PRAME: variants seen among roughly 807,000 people sequenced by gnomAD.
The protein encoded by PRAME is melanoma antigen preferentially expressed in tumors.
A neutral mutation model predicts 32.1 loss-of-function variants in PRAME; 21 were observed. The observed-to-expected ratio is 0.65, with a 90% CI of 0.46 to 0.94. The LOEUF (loss-of-function observed/expected upper bound fraction) is 0.94, where lower values mean the gene tolerates loss of function less well. Ranked by LOEUF, PRAME falls within the 40% of genes least tolerant of loss-of-function variation. The pLI is 0.00. For synonymous variants in PRAME, 274 were observed against 251.5 expected, an observed-to-expected ratio of 1.09 and a Z score of -0.85; for missense variants, 651 against 622.3, an observed-to-expected ratio of 1.05 and a Z score of -0.49.
chr22:22,556,717 A>G, intron 3 of PRAME, 95 bp downstream of exon 3: 1 of 1,447,308 alleles, frequency 6.9e-7, no homozygotes, highest in Non-Finnish European at 9.7e-7. Context: ...ACTGTGAGGG[A>G]CCTCAGGATG....
At chr22:22,551,616 T>C (rs1343537424) in intron 3 of PRAME, among the ~76,000 whole-genome samples, 1 of 139,492 alleles carries the variant, frequency 7.2e-6, no homozygotes, top group Non-Finnish European at 1.5e-5. Flanking sequence ...CAGTATTACA[T>C]AGCAATTGGA....
rs764968125 is a variant in PRAME, at chr22:22,550,792, G to A, written c.319C>T (p.Leu107Phe). 6 of 1,595,956 alleles carry A rather than the reference G, an allele frequency of 3.8e-6. No homozygotes were observed. Among genetic ancestry groups the A allele is most frequent in the Admixed American group, 3.4e-5 (2 of 59,142 alleles). Residue 107 changes from leucine to phenylalanine, a missense_variant, in exon 4 of 6, where the codon CTC becomes TTC. Coordinates refer to ENST00000405655, the MANE Select transcript of PRAME (RefSeq NM_206956.3). ...CTGGGGCGAACCTCCTGGGCAAGGAGCACATCAAGTCCATCAAGCACAGCT... is the reference window on the plus strand; with the variant it reads ...CTGGGGCGAACCTCCTGGGCAAGGAACACATCAAGTCCATCAAGCACAGCT... ...FKAVLDGLDV[L>F]LAQEVRPRRW...
chr22:22,548,308 AGGT>A lies in PRAME; in HGVS notation c.1286_1288del (p.His429del). ...GTGGGTCAGATTGCTCAGCCCGATG[AGGT>A]GCTGCAGGAGACTCTGCAGGGCAGA... On this transcript the variant is annotated inframe_deletion, in exon 6 of 6. Coordinates refer to ENST00000405655, the MANE Select transcript of PRAME (RefSeq NM_206956.3). 1 of 1,613,712 alleles carries A rather than the reference AGGT, an allele frequency of 6.2e-7. No individual in the cohort carries two copies. The highest frequency in any genetic ancestry group is 8.5e-7 in the Non-Finnish European group (1 of 1,179,908).
At chr22:22,552,408 A>C (rs866667341) in intron 3 of PRAME, among the ~76,000 whole-genome samples, 1,549 of 91,554 alleles carry the variant, frequency 0.017, 32 homozygotes, top group African/African-American at 0.12. Flanking sequence ...TATTTTCCAA[A>C]AAAAAAAAAA....
intron 3 of PRAME, chr22:22,554,122 C>T (rs1156341786): frequency 4.1e-6 from 4 of 984,926 alleles, no homozygotes; most frequent in Non-Finnish European, 4.8e-6. Flanking sequence ...TTATATTTGG[C>T]ATTTAAGGAT....
chr22:22,551,179 G>A (rs1327642145), intron 3 of PRAME, 90 bp from the exon 4 acceptor site: 1 of 1,222,376 alleles, frequency 8.2e-7, no homozygotes, highest in African/African-American at 1.5e-5. Context: ...GACCAACTTA[G>A]GGCCAAAGTC....
Position 22,551,024 on chromosome 22 carries a change from C to A in PRAME, c.87G>T (p.Leu29=). 1 of 1,611,648 alleles carries A rather than the reference C, an allele frequency of 6.2e-7. No individual in the cohort carries two copies. ...VWTSPRRLVE[L]AGQSLLKDEA... ...CATCCTTCAGCAGGCTCTGCCCTGC[C>A]AGCTCCACAAGTCTCCGTGGGCTTG... Residue 29 remains leucine (L), a synonymous_variant, in exon 4 of 6, where the codon CTG becomes CTT. Coordinates refer to ENST00000405655, the MANE Select transcript of PRAME (RefSeq NM_206956.3).
chr22:22,550,912 G>C lies in PRAME; in HGVS notation c.199C>G (p.Gln67Glu). The C allele has an allele frequency of 6.2e-7, 1 of 1,613,880 alleles. No homozygotes were observed. Among genetic ancestry groups the C allele is most frequent in the Non-Finnish European group, 8.5e-7 (1 of 1,179,952 alleles). ...FMAAFDGRHS[Q>E]TLKAMVQAWP... ...GCCTGCACCATTGCCTTCAGGGTCTGGCTGTGTCTCCCGTCAAAGGCTGCC... is the reference window on the plus strand; with the variant it reads ...GCCTGCACCATTGCCTTCAGGGTCTCGCTGTGTCTCCCGTCAAAGGCTGCC... The change falls in exon 4 of 6, where the codon CAG becomes GAG. Residue 67 changes from glutamine (Q) to glutamate (E), a missense_variant. Physicochemically the swap from Gln to Glu is conservative, Grantham distance 29. Transcript: ENST00000405655.
rs755812866 is a variant in PRAME, at chr22:22,548,431, C to G, written c.1166G>C (p.Gly389Ala). 2 of 1,613,592 alleles carry G rather than the reference C, an allele frequency of 1.2e-6. No homozygotes were observed. Among genetic ancestry groups the G allele is most frequent in the Non-Finnish European group, 1.7e-6 (2 of 1,179,932 alleles). The change falls in exon 6 of 6, where the codon GGG becomes GCG. Residue 389 changes from glycine (G) to alanine (A), a missense_variant. Gly to Ala is a moderately conservative substitution (Grantham distance 60). Coordinates refer to ENST00000405655, the MANE Select transcript of PRAME (RefSeq NM_206956.3). The part of the protein sequence containing the change: ...TLQDLVFDEC[G>A]ITDDQLLALL... Reference sequence around the variant, plus strand: ...GGCAAGGAGCTGATCATCCGTGATCCCACACTCATCAAAGACCAGGTCCTG... The same window carrying G: ...GGCAAGGAGCTGATCATCCGTGATCGCACACTCATCAAAGACCAGGTCCTG...
rs762009288 is a variant in PRAME at position 22,548,182 on chromosome 22, C to T, written c.1415G>A (p.Cys472Tyr). ...YLHARLRELL[C>Y]ELGRPSMVWL... is the part of the protein sequence containing the mutation. ...GACCATGCTGGGCCGCCCCAACTCA[C>T]ACAGCAACTCCCTGAGCCTGGCATG... Residue 472 changes from cysteine to tyrosine, a missense_variant, in exon 6 of 6, where the codon TGT becomes TAT. Physicochemically the swap from Cys to Tyr is radical, Grantham distance 194 (BLOSUM62 -2). Transcript: ENST00000405655. 3.1e-6 allele frequency: 5 copies of T among 1,613,862 alleles called. No homozygotes were observed. The highest frequency in any genetic ancestry group is 4.2e-6 in the Non-Finnish European group (5 of 1,179,968).
At position 22,554,199 on chromosome 22, in the gene PRAME, T is replaced by G. The variant is rs983873398; in HGVS notation, c.21+2613A>C. The G allele has an allele frequency of 3.7e-5, 36 of 985,080 alleles. No individual in the cohort carries two copies. The African/African-American group carries it at 5.2e-4, about 14-fold the overall frequency. The allele number at this position is 985,080 out of a possible 1,614,324, so 61.0% of individuals were successfully genotyped here. On this transcript the variant is annotated intron_variant, in intron 3 of 5. Coordinates refer to ENST00000405655, the MANE Select transcript of PRAME (RefSeq NM_206956.3). ...GGTGCTTTTGAAGTTTTGGAACCTC[T>G]CCACCCAAAGAATTCTCCAGGCCAT...
At chr22:22,548,715 T>A in intron 5 of PRAME, 72 bp from the exon 6 acceptor site, 2 of 1,374,310 alleles carry the variant, frequency 1.5e-6, no homozygotes, top group South Asian at 2.7e-5. Flanking sequence ...AGAGGCCCAT[T>A]TCACCAAAAC....
At chr22:22,556,786 TCAGA>T (rs1158452980) in intron 3 of PRAME, 22 bp downstream of exon 3, 3 of 1,612,390 alleles carry the variant, frequency 1.9e-6, no homozygotes, top group African/African-American at 1.3e-5. Flanking sequence ...TCTGAGCACC[TCAGA>T]CAGCTCAGGG....
At chr22:22,555,297 C>T (rs946782863) in intron 3 of PRAME, among the ~76,000 whole-genome samples, 5 of 151,888 alleles carry the variant, frequency 3.3e-5, no homozygotes, top group Middle Eastern at 3.5e-3. Flanking sequence ...AGTGCAGTGG[C>T]GCAATCTTGG....
Position 22,556,808 on chromosome 22 carries a change from T to C in PRAME, c.21+4A>G. 6.2e-7 allele frequency: 1 copy of C among 1,612,752 alleles called. No homozygotes were observed. Among genetic ancestry groups the C allele is most frequent in the Non-Finnish European group, 8.5e-7 (1 of 1,179,832 alleles). On this transcript the variant is annotated splice_donor_region_variant and intron_variant, in intron 3 of 5. Coordinates refer to ENST00000405655, the MANE Select transcript of PRAME (RefSeq NM_206956.3). ...ACCTCAGACAGCTCAGGGGACCTTCTTACCCACAAACGCCTTCGTTCCATT... is the reference window on the plus strand; with the variant it reads ...ACCTCAGACAGCTCAGGGGACCTTCCTACCCACAAACGCCTTCGTTCCATT...
intron 1 of PRAME, among the ~76,000 whole-genome samples, chr22:22,558,732 G>A (rs2063150969): frequency 6.6e-6 from 1 of 151,274 alleles, no homozygotes; most frequent in Non-Finnish European, 1.5e-5. Context: ...CTGGGATCAC[G>A]GAGACGTCCA....
Position 22,549,925 on chromosome 22 carries a change from A to G in PRAME, c.754T>C (p.Phe252Leu), listed in dbSNP as rs1387834578. Residue 252 changes from phenylalanine (F) to leucine (L), a missense_variant, in exon 5 of 6, where the codon TTT (phenylalanine) becomes CTT (leucine). Physicochemically the swap from Phe to Leu is conservative, Grantham distance 22. Coordinates refer to ENST00000405655, the MANE Select transcript of PRAME (RefSeq NM_206956.3). ...CTWKLPTLAK[F>L]SPYLGQMINL... ...ATCATCTGGCCCAGGTAAGGAGAAA[A>G]TTTCGCCAAGGTGGGTAGCTTCCAG... 5 of 1,613,722 alleles carry G rather than the reference A, an allele frequency of 3.1e-6. No individual in the cohort carries two copies. The highest frequency in any genetic ancestry group is 3.4e-6 in the Non-Finnish European group (4 of 1,179,936).
intron 2 of PRAME, 110 bp from the exon 3 acceptor site, chr22:22,557,019 T>C (rs547783076): frequency 5.8e-6 from 4 of 687,688 alleles, no homozygotes; most frequent in East Asian, 5.5e-5. Context: ...AACTGACAAC[T>C]GGCGACTCAA....
intron 3 of PRAME, among the ~76,000 whole-genome samples, chr22:22,553,288 G>A (rs536711589): frequency 7.9e-5 from 12 of 152,016 alleles, no homozygotes; most frequent in Admixed American, 3.9e-4. Context: ...AAAAAGGGAG[G>A]AACAACAGAG....
Sources: allele counts gnomAD v4.1 joint callset (sites outside exome capture counted in the v4.1 genomes callset), GRCh38; gene constraint gnomAD v4.1.1; transcripts MANE v1.5; gene names NCBI Gene and HGNC (gene_info 2026-07-23, HGNC 2026-07-21).